The following PKD2 variants were observed in gnomAD, a reference collection of about 807,000 sequenced individuals.
PKD2 encodes polycystin 2, transient receptor potential cation channel.
Under a neutral mutation model 105.9 loss-of-function variants are expected in PKD2, and 48 were observed. The observed-to-expected ratio is 0.45, with a 90% CI of 0.36 to 0.58. The LOEUF (loss-of-function observed/expected upper bound fraction) is 0.58. Ranked by LOEUF, PKD2 falls within the 20% of genes least tolerant of loss-of-function variation. The probability of loss-of-function intolerance (pLI) is 0.00; values close to 1 mark genes in which losing one functional copy is unlikely to be tolerated. For synonymous variants in PKD2, 464 were observed against 481.1 expected (o/e 0.96, Z 0.46); for missense variants, 1,078 against 1,255.3 (o/e 0.86, Z 2.13).
chr4:88,036,979 A>T (rs1271047921), intron 3 of PKD2, among the ~76,000 whole-genome samples: 2 of 152,230 alleles, frequency 1.3e-5, no homozygotes, highest in African/African-American at 2.4e-5. Flanking sequence ...CTGTAATCCC[A>T]GCACTTTGGG....
chr4:88,011,649 C>T (rs1246614953), intron 1 of PKD2, among the ~76,000 whole-genome samples: 2 of 151,946 alleles, frequency 1.3e-5, no homozygotes, highest in East Asian at 3.9e-4. Context: ...TCTGCCTTCC[C>T]TTTCGATGTC....
intron 1 of PKD2, among the ~76,000 whole-genome samples, chr4:88,017,113 C>T (rs1361606990): frequency 1.3e-5 from 2 of 151,950 alleles, no homozygotes; most frequent in East Asian, 1.9e-4. Context: ...CACTTGAGGC[C>T]GAGAATTCGA....
chr4:88,075,732 G>C lies in PKD2; in HGVS notation c.*38G>C. 2.1e-6 allele frequency: 3 copies of C among 1,448,126 alleles called. No individual in the cohort carries two copies. Among genetic ancestry groups the C allele is most frequent in the Non-Finnish European group, 9.7e-7 (1 of 1,034,056 alleles). 89.7% of individuals were successfully genotyped at this position (1,448,126 alleles called of 1,614,324 possible). The stretch of plus-strand genomic sequence containing the variant: ...AGTATGTGTGTTTCTAATAAGTGAG[G>C]AAGTGGCTGTCCTGAATTGCTGTAA... On this transcript the variant is annotated 3_prime_UTR_variant, in exon 15 of 15. Coordinates refer to ENST00000237596, the MANE Select transcript of PKD2 (RefSeq NM_000297.4).
At position 88,019,784 on chromosome 4, in the gene PKD2, T is replaced by C. The variant is rs918728440; in HGVS notation, c.709+213T>C. On this transcript the variant is annotated intron_variant, in intron 2 of 14. Transcript: ENST00000237596. Reference sequence around the variant, plus strand: ...AAGCTTTATAAGAGAAGGGACGTGATTTGTTCTCTGCTGTACCCCCATTTC... The same window carrying C: ...AAGCTTTATAAGAGAAGGGACGTGACTTGTTCTCTGCTGTACCCCCATTTC... Among the ~76,000 whole-genome samples the C allele has an allele frequency of 3.9e-5, 6 of 152,346 alleles. No individual in the cohort carries two copies. In the South Asian group the frequency reaches 1.2e-3, roughly 32 times the overall value.
At chr4:88,030,354 C>G (rs1373427464) in intron 2 of PKD2, among the ~76,000 whole-genome samples, 1 of 152,124 alleles carries the variant, frequency 6.6e-6, no homozygotes, top group African/African-American at 2.4e-5. Flanking sequence ...CCAGGCTGTT[C>G]TTGAACTCTT....
At chr4:88,038,917 A>G (rs1727444297) in intron 4 of PKD2, among the ~76,000 whole-genome samples, 1 of 152,150 alleles carries the variant, frequency 6.6e-6, no homozygotes, top group Non-Finnish European at 1.5e-5. Context: ...GGAGTTATTT[A>G]ATGTGTAAGC....
chr4:88,020,703 A>C (rs1036700063), intron 2 of PKD2, among the ~76,000 whole-genome samples: 20 of 149,252 alleles, frequency 1.3e-4, no homozygotes, highest in Admixed American at 8.6e-4. Flanking sequence ...TTTTTTTTTA[A>C]ATTAGAGACA....
At chr4:88,008,386 G>T in intron 1 of PKD2, 58 bp downstream of exon 1, 1 of 1,469,932 alleles carries the variant, frequency 6.8e-7, no homozygotes, top group Non-Finnish European at 9.0e-7. Context: ...GGCGCCGGCC[G>T]GGGCCATCGC....
At chr4:88,041,350 C>G (rs1727557342) in intron 4 of PKD2, among the ~76,000 whole-genome samples, 1 of 152,176 alleles carries the variant, frequency 6.6e-6, no homozygotes, top group Non-Finnish European at 1.5e-5. Flanking sequence ...TTATTGCAGA[C>G]TTTGCTAAGG....
intron 2 of PKD2, among the ~76,000 whole-genome samples, chr4:88,034,977 G>A (rs1235790155): frequency 6.6e-6 from 1 of 152,142 alleles, no homozygotes; most frequent in Non-Finnish European, 1.5e-5. Flanking sequence ...ATGCATTATA[G>A]CAATCCAGTT....
At position 88,046,720 on chromosome 4, in the gene PKD2, C is replaced by T. The variant is rs761346302; in HGVS notation, c.1398C>T (p.Val466=). ...AGCCTTTAAAGCTGATCCGATATGTCACAACTTTTGATTTCTTCCTGGCAG... is the reference window on the plus strand; with the variant it reads ...AGCCTTTAAAGCTGATCCGATATGTTACAACTTTTGATTTCTTCCTGGCAG... ...QFQPLKLIRY[V]TTFDFFLAAC... Residue 466 remains valine (V), a synonymous_variant, in exon 6 of 15, where the codon GTC becomes GTT. Coordinates refer to ENST00000237596, the MANE Select transcript of PKD2 (RefSeq NM_000297.4). The T allele has an allele frequency of 1.2e-6, 2 of 1,613,516 alleles. No homozygotes were observed. The highest frequency in any genetic ancestry group is 2.2e-5 in the East Asian group (1 of 44,874).
intron 5 of PKD2, among the ~76,000 whole-genome samples, chr4:88,045,818 T>C (rs1727745077): frequency 6.6e-6 from 1 of 152,178 alleles, no homozygotes; most frequent in South Asian, 2.1e-4. Context: ...AAAACTACCC[T>C]GGAGGACAAA....
At chr4:88,019,294 C>T (rs147790505) in intron 1 of PKD2, among the ~76,000 whole-genome samples, 164 bp from the exon 2 acceptor site, 1 of 148,880 alleles carries the variant, frequency 6.7e-6, no homozygotes, top group African/African-American at 2.5e-5. Flanking sequence ...GGTAGGCCTA[C>T]AAAACCAGTT....
chr4:88,013,465 C>T (rs1726453644), intron 1 of PKD2, among the ~76,000 whole-genome samples: 1 of 152,194 alleles, frequency 6.6e-6, no homozygotes, highest in Non-Finnish European at 1.5e-5. Flanking sequence ...AGTCCCAACA[C>T]TTTGGGAAGC....
At chr4:88,048,700 T>A (rs534402283) in intron 6 of PKD2, among the ~76,000 whole-genome samples, 1 of 152,290 alleles carries the variant, frequency 6.6e-6, no homozygotes, top group East Asian at 1.9e-4. Flanking sequence ...CAGACCGTGA[T>A]GCAGTTAGAA....
chr4:88,021,986 A>T (rs1014550757), intron 2 of PKD2, among the ~76,000 whole-genome samples: 1 of 152,204 alleles, frequency 6.6e-6, no homozygotes, highest in African/African-American at 2.4e-5. Context: ...AAGAAAGCAC[A>T]TGAGCCTCAC....
chr4:88,024,457 G>GAAAAAA (rs552942631), intron 2 of PKD2, among the ~76,000 whole-genome samples: 127 of 50,318 alleles, frequency 2.5e-3, no homozygotes, highest in African/African-American at 4.2e-3. Flanking sequence ...ACTCTGTCTC[G>GAAAAAA]AAAAAAAAAA....
At chr4:88,011,380 T>C (rs1221226267) in intron 1 of PKD2, among the ~76,000 whole-genome samples, 1 of 150,842 alleles carries the variant, frequency 6.6e-6, no homozygotes, top group Non-Finnish European at 1.5e-5. Flanking sequence ...CAAGTCAGGG[T>C]GGGCTAAGCT....
At chr4:88,020,702 A>G (rs1159298921) in intron 2 of PKD2, among the ~76,000 whole-genome samples, 6 of 145,616 alleles carry the variant, frequency 4.1e-5, no homozygotes, top group African/African-American at 1.0e-4. Context: ...TTTTTTTTTT[A>G]AATTAGAGAC....
Sources: allele counts gnomAD v4.1 joint callset (sites outside exome capture counted in the v4.1 genomes callset), GRCh38; gene constraint gnomAD v4.1.1; transcripts MANE v1.5; gene names NCBI Gene and HGNC (gene_info 2026-07-23, HGNC 2026-07-21).